Variants in ANO3 observed in about 807,000 individuals in gnomAD.
The protein encoded by ANO3 is anoctamin 3.
A neutral mutation model predicts 144.8 loss-of-function variants in ANO3; 99 were observed. The observed-to-expected ratio is 0.68, with a 90% CI of 0.58 to 0.81. The LOEUF is 0.81. ANO3 is among the 30% of genes least tolerant of loss of function. The pLI, the probability that ANO3 is intolerant of heterozygous loss-of-function variation, is 0.00. For synonymous variants in ANO3, 414 were observed against 392.6 expected (o/e 1.05, Z -0.64); for missense variants, 905 against 1,202.2 (o/e 0.75, Z 3.66).
chr11:26,494,234 G>A (rs979213089), intron 4 of ANO3, among the ~76,000 whole-genome samples: 2 of 150,806 alleles, frequency 1.3e-5, no homozygotes, highest in Admixed American at 1.3e-4. Flanking sequence ...ATATGTGTGT[G>A]TATATATATA....
intron 1 of ANO3, among the ~76,000 whole-genome samples, chr11:26,354,418 A>G (rs1179816325): frequency 6.6e-6 from 1 of 152,204 alleles, no homozygotes; most frequent in Non-Finnish European, 1.5e-5. Context: ...CTTTTCTCCA[A>G]GCACATCAAT....
intron 1 of ANO3, among the ~76,000 whole-genome samples, chr11:26,238,758 G>A (rs1055641051): frequency 5.3e-5 from 8 of 151,984 alleles, no homozygotes; most frequent in African/African-American, 1.7e-4. Context: ...GCAGAAGAAA[G>A]TGGGTTGGGA....
intron 1 of ANO3, among the ~76,000 whole-genome samples, chr11:26,396,413 A>G (rs1857014477): frequency 6.6e-6 from 1 of 152,172 alleles, no homozygotes; most frequent in South Asian, 2.1e-4. Flanking sequence ...AGAACCAGAA[A>G]TAACATTTGA....
At chr11:26,585,879 C>T (rs1412762197) in intron 14 of ANO3, among the ~76,000 whole-genome samples, 1 of 152,102 alleles carries the variant, frequency 6.6e-6, no homozygotes. Context: ...AGTTCCCGTT[C>T]AGATTTTTAT....
At position 26,427,700 on chromosome 11, in the gene ANO3, A is replaced by C. The variant is rs1333771746; in HGVS notation, c.47-14218A>C. Among the ~76,000 whole-genome samples, 11 of 152,112 alleles carry C rather than the reference A, an allele frequency of 7.2e-5. No individual in the cohort carries two copies. The East Asian group carries it at 2.1e-3, about 29-fold the overall frequency. ...CTAGTAATACTAGTTGTATTAGACC[A>C]TTCTCACACTGCTAATAAAGACATA... On this transcript the variant is annotated intron_variant, in intron 1 of 26. Coordinates refer to ENST00000256737, the MANE Select transcript of ANO3 (RefSeq NM_031418.4).
At chr11:26,424,969 T>C (rs1590347998) in intron 1 of ANO3, among the ~76,000 whole-genome samples, 1 of 152,108 alleles carries the variant, frequency 6.6e-6, no homozygotes, top group African/African-American at 2.4e-5. Context: ...ACATGTGCCA[T>C]GTTGATGTGC....
At chr11:26,472,799 T>C (rs1859830111) in intron 4 of ANO3, among the ~76,000 whole-genome samples, 1 of 151,938 alleles carries the variant, frequency 6.6e-6, no homozygotes, top group Non-Finnish European at 1.5e-5. Flanking sequence ...TCTCCATGTA[T>C]TTCCGCACAC....
intron 1 of ANO3, among the ~76,000 whole-genome samples, chr11:26,342,098 C>T (rs1048704239): frequency 6.6e-6 from 1 of 152,164 alleles, no homozygotes; most frequent in Non-Finnish European, 1.5e-5. Flanking sequence ...ACCATCAAAA[C>T]AGATGAGGAA....
intron 1 of ANO3, among the ~76,000 whole-genome samples, chr11:26,254,144 T>A (rs1018787707): frequency 9.9e-5 from 15 of 152,134 alleles, no homozygotes; most frequent in African/African-American, 3.6e-4. Context: ...AGTGTTTCCT[T>A]CCAAGCTGGT....
At chr11:26,460,078 A>G (rs1454576800) in intron 3 of ANO3, 4 of 453,998 alleles carry the variant, frequency 8.8e-6, no homozygotes, top group Admixed American at 7.1e-5. Flanking sequence ...TCAACATGAG[A>G]CCTGGACCAA....
chr11:26,282,834 G>A (rs967221091), intron 1 of ANO3, among the ~76,000 whole-genome samples: 1 of 151,742 alleles, frequency 6.6e-6, no homozygotes, highest in East Asian at 1.9e-4. Flanking sequence ...AGTGAATGAC[G>A]AAATAAAAGA....
chr11:26,330,621 C>T (rs1019282537), upstream of ANO3, among the ~76,000 whole-genome samples: 2 of 152,270 alleles, frequency 1.3e-5, no homozygotes, highest in African/African-American at 2.4e-5. Context: ...TCAAGAGAGA[C>T]TCTGAGAGAT....
intron 14 of ANO3, among the ~76,000 whole-genome samples, chr11:26,595,651 C>T (rs1024950039): frequency 2.6e-5 from 4 of 151,816 alleles, no homozygotes; most frequent in African/African-American, 7.3e-5. Context: ...AACCATCTGT[C>T]GTCCTGAAGG....
chr11:26,648,484 A>T (rs796519524), intron 24 of ANO3, among the ~76,000 whole-genome samples: 7 of 152,266 alleles, frequency 4.6e-5, no homozygotes, highest in African/African-American at 1.7e-4. Flanking sequence ...TGTACATTGC[A>T]GGATGTTTAG....
chr11:26,539,831 T>A (rs562292815), intron 10 of ANO3, among the ~76,000 whole-genome samples: 1 of 152,316 alleles, frequency 6.6e-6, no homozygotes, highest in South Asian at 2.1e-4. Context: ...TTGACTCTCG[T>A]AAAACCCCTC....
In ANO3 at chr11:26,663,048, T is replaced by G. The variant is rs778195227; in HGVS notation, c.*2604T>G. On this transcript the variant is annotated 3_prime_UTR_variant, in exon 27 of 27. Coordinates refer to ENST00000256737, the MANE Select transcript of ANO3 (RefSeq NM_031418.4). The stretch of plus-strand genomic sequence containing the variant: ...CATGCAGTCTGCCTTGACAAGTTGT[T>G]CCAAGCTGAAGAGCTTTCACTGTAC... The G allele has an allele frequency of 3.9e-5, 6 of 152,470 alleles. No homozygotes were observed. The highest frequency in any genetic ancestry group is 1.3e-4 in the Admixed American group (2 of 15,216). The allele number at this position is 152,470 out of a possible 1,614,324, so 9.4% of individuals were successfully genotyped here.
At chr11:26,595,628 A>G (rs549789385) in intron 14 of ANO3, among the ~76,000 whole-genome samples, 2 of 151,920 alleles carry the variant, frequency 1.3e-5, no homozygotes, top group East Asian at 1.9e-4. Context: ...TTTTTTCTCA[A>G]TCACCCGGGA....
chr11:26,189,488 A>T (rs1165042156), intron 1 of ANO3, among the ~76,000 whole-genome samples: 2 of 152,198 alleles, frequency 1.3e-5, no homozygotes, highest in African/African-American at 2.4e-5. Context: ...AAAATGTATA[A>T]ATAGACTTTT....
At chr11:26,351,115 T>C (rs1057025138) in intron 1 of ANO3, among the ~76,000 whole-genome samples, 2 of 152,184 alleles carry the variant, frequency 1.3e-5, no homozygotes, top group African/African-American at 2.4e-5. Context: ...TTCAGAGATA[T>C]ACACATTCTA....
Sources: gnomAD v4.1 joint callset for allele counts (sites outside exome capture counted in the v4.1 genomes callset) on GRCh38, gnomAD v4.1.1 for gene constraint, MANE v1.5 for transcripts, NCBI Gene and HGNC (gene_info 2026-07-23, HGNC 2026-07-21) for gene names.